SIK3: variants seen among roughly 807,000 people sequenced by gnomAD.
SIK3 encodes serine/threonine-protein kinase SIK3.
In SIK3, 28 loss-of-function variants were observed where a neutral mutation model predicts 144.2. That is an observed-to-expected ratio of 0.19 (90% confidence interval 0.14 to 0.27). The LOEUF is 0.27. Ranked by LOEUF, SIK3 falls within the 10% of genes least tolerant of loss-of-function variation. The pLI, the probability that SIK3 is intolerant of heterozygous loss-of-function variation, is 1.00. For missense variants in SIK3, 1,319 were observed against 1,776.0 expected, an observed-to-expected ratio of 0.74 and a Z score of 4.62; for synonymous variants, 686 against 676.3, an observed-to-expected ratio of 1.01 and a Z score of -0.22.
At chr11:116,903,201 T>C (rs901390580) in intron 4 of SIK3, among the ~76,000 whole-genome samples, 1 of 152,228 alleles carries the variant, frequency 6.6e-6, no homozygotes, top group Non-Finnish European at 1.5e-5. Context: ...TGAGTAACTG[T>C]GATGGGAGAA....
At chr11:116,928,781 C>T (rs1947427223) in intron 3 of SIK3, among the ~76,000 whole-genome samples, 1 of 152,270 alleles carries the variant, frequency 6.6e-6, no homozygotes, top group African/African-American at 2.4e-5. Flanking sequence ...ACTTTAAGAA[C>T]ATATCTTATA....
intron 1 of SIK3, among the ~76,000 whole-genome samples, chr11:116,977,957 G>A (rs946052833): frequency 2.6e-5 from 4 of 152,174 alleles, no homozygotes; most frequent in Non-Finnish European, 4.4e-5. Flanking sequence ...GGTGGCTCAC[G>A]CCTGTAATCC....
At chr11:117,018,303 C>G (rs1316144742) in intron 1 of SIK3, among the ~76,000 whole-genome samples, 1 of 152,118 alleles carries the variant, frequency 6.6e-6, no homozygotes, top group African/African-American at 2.4e-5. Flanking sequence ...CTGTTTTGAT[C>G]AGCATTGGGA....
intron 1 of SIK3, among the ~76,000 whole-genome samples, chr11:117,082,831 A>C (rs1199298969): frequency 7.2e-5 from 11 of 152,050 alleles, no homozygotes. Context: ...CCCTGAGGTT[A>C]AGTAATTTGC....
Position 116,875,973 on chromosome 11 carries a change from T to C in SIK3, c.1132A>G (p.Ile378Val). Residue 378 changes from isoleucine (I) to valine (V), a missense_variant, in exon 9 of 25, where the codon ATC (isoleucine) becomes GTC (valine). Physicochemically the swap from Ile to Val is conservative, Grantham distance 29. Transcript: ENST00000445177. ...RSDAYDHYSA[I>V]YSLLCDRHKR... is the part of the protein sequence containing the mutation. Reference sequence around the variant, plus strand: ...TGTCGATCACACAGCAGGCTGTAGATTGCACTATAGTGATCATAGGCATCT... The same window carrying C: ...TGTCGATCACACAGCAGGCTGTAGACTGCACTATAGTGATCATAGGCATCT... The C allele has an allele frequency of 1.9e-6, 3 of 1,613,608 alleles. No homozygotes were observed. The highest frequency in any genetic ancestry group is 8.5e-7 in the Non-Finnish European group (1 of 1,179,876).
intron 1 of SIK3, among the ~76,000 whole-genome samples, chr11:117,010,007 T>C (rs1288357618): frequency 1.3e-5 from 2 of 152,072 alleles, no homozygotes; most frequent in East Asian, 3.9e-4. Flanking sequence ...AACGACAACA[T>C]CTATTACCAG....
At chr11:116,888,870 T>A (rs530459849) in intron 6 of SIK3, among the ~76,000 whole-genome samples, 1 of 152,328 alleles carries the variant, frequency 6.6e-6, no homozygotes, top group African/African-American at 2.4e-5. Flanking sequence ...TTAGTTTATT[T>A]CTAAGCACTA....
chr11:116,884,387 G>A (rs558232213), intron 6 of SIK3, among the ~76,000 whole-genome samples: 3 of 141,840 alleles, frequency 2.1e-5, no homozygotes, highest in Non-Finnish European at 4.5e-5. Flanking sequence ...TCGCTCTGTC[G>A]CCCAGGCTGG....
intron 4 of SIK3, among the ~76,000 whole-genome samples, chr11:116,909,828 A>T (rs1263445082): frequency 3.9e-5 from 6 of 152,244 alleles, no homozygotes; most frequent in Admixed American, 3.9e-4. Flanking sequence ...GAAATAGGAA[A>T]TGAATGTATC....
intron 18 of SIK3, among the ~76,000 whole-genome samples, chr11:116,861,594 C>T (rs1479916788): frequency 7.2e-5 from 11 of 152,146 alleles, no homozygotes; most frequent in Non-Finnish European, 4.4e-5. Context: ...TGGCAGAGTT[C>T]ATTGTGGGCC....
intron 1 of SIK3, among the ~76,000 whole-genome samples, chr11:117,054,623 T>G (rs1953425655): frequency 6.6e-6 from 1 of 152,108 alleles, no homozygotes; most frequent in African/African-American, 2.4e-5. Flanking sequence ...AGCACATGTT[T>G]CGGAAGCACA....
chr11:116,863,259 C>T (rs1170787100), intron 16 of SIK3, among the ~76,000 whole-genome samples: 2 of 152,104 alleles, frequency 1.3e-5, no homozygotes, highest in African/African-American at 4.8e-5. Context: ...GCTATACTTT[C>T]TTTTTCTTTT....
At chr11:116,910,255 T>C (rs977719767) in intron 4 of SIK3, among the ~76,000 whole-genome samples, 3 of 152,066 alleles carry the variant, frequency 2.0e-5, no homozygotes, top group Admixed American at 1.3e-4. Flanking sequence ...CTAAAAAAAA[T>C]TAGGTTTTCC....
In SIK3 at chr11:116,861,342, T is replaced by C; in HGVS notation, c.2357A>G (p.Asn786Ser). 1.3e-6 allele frequency: 2 copies of C among 1,595,986 alleles called. No individual in the cohort carries two copies. The highest frequency in any genetic ancestry group is 1.9e-5 in the Admixed American group (1 of 53,972). ...QPSSPPPNHP[N>S]NHLFRQPSNS... ...ACTGGGCTGCCTGAAGAGATGGTTG[T>C]TGGGGTGGTTGGGGGGTGGGCTTGA... Residue 786 changes from asparagine (N) to serine (S), a missense_variant, in exon 19 of 25, where the codon AAC (asparagine) becomes AGC (serine). Around this residue, in one of 8 missense-constraint regions of SIK3, gnomAD observed 646 missense variants for 763.7 expected, o/e 0.85. Coordinates refer to ENST00000445177, the MANE Select transcript of SIK3 (RefSeq NM_001366686.3).
chr11:116,904,386 A>G (rs1945909971), intron 4 of SIK3, among the ~76,000 whole-genome samples: 1 of 152,236 alleles, frequency 6.6e-6, no homozygotes, highest in Non-Finnish European at 1.5e-5. Flanking sequence ...AAGAGTGCAC[A>G]GCAGCATCAT....
At chr11:116,979,845 T>C (rs1453636466) in intron 1 of SIK3, among the ~76,000 whole-genome samples, 1 of 151,884 alleles carries the variant, frequency 6.6e-6, no homozygotes, top group African/African-American at 2.4e-5. Flanking sequence ...AGACTCCATC[T>C]CCAACAAACA....
At chr11:117,031,332 G>A (rs1162255375) in intron 1 of SIK3, among the ~76,000 whole-genome samples, 2 of 147,534 alleles carry the variant, frequency 1.4e-5, no homozygotes, top group Admixed American at 6.7e-5. Context: ...TTTTTTATAA[G>A]GTGTGAAGTT....
chr11:116,913,548 A>G (rs1565444106), intron 4 of SIK3, among the ~76,000 whole-genome samples: 1 of 152,092 alleles, frequency 6.6e-6, no homozygotes, highest in Non-Finnish European at 1.5e-5. Context: ...CAAACTCAGT[A>G]CTGACTAGAT....
chr11:117,065,396 A>G (rs1953965608), intron 1 of SIK3, among the ~76,000 whole-genome samples: 1 of 152,008 alleles, frequency 6.6e-6, no homozygotes, highest in African/African-American at 2.4e-5. Flanking sequence ...TAAATACATC[A>G]TGTTAATAAA....
Sources: gnomAD v4.1 joint callset for allele counts (sites outside exome capture counted in the v4.1 genomes callset) on GRCh38, gnomAD v4.1.1 for gene constraint, gnomAD v4.1.1 regional missense constraint, MANE v1.5 for transcripts, NCBI Gene and HGNC (gene_info 2026-07-23, HGNC 2026-07-21) for gene names.